Variants in DSCAML1 observed in about 807,000 individuals in gnomAD.
DSCAML1 encodes the protein DS cell adhesion molecule like 1, also known as cell adhesion molecule DSCAML1.
Under a neutral mutation model 200.5 loss-of-function variants are expected in DSCAML1, and 38 were observed. That is an observed-to-expected ratio of 0.19 (90% CI 0.15 to 0.25). DSCAML1 has a LOEUF of 0.25. Among genes scored for constraint, DSCAML1 ranks in the 10% least tolerant of loss-of-function variants. The pLI is 1.00. For synonymous variants in DSCAML1, 1,215 were observed against 1,165.0 expected, an observed-to-expected ratio of 1.04 and a Z score of -0.87; for missense variants, 2,223 against 2,858.8, an observed-to-expected ratio of 0.78 and a Z score of 5.07.
chr11:117,444,146 G>T (rs2048128604), intron 20 of DSCAML1, 107 bp from the exon 21 acceptor site: 5 of 1,306,442 alleles, frequency 3.8e-6, no homozygotes, highest in East Asian at 2.5e-5. Context: ...GGGGTCGGAT[G>T]CGAGGCAGGA....
rs576572424 is a variant in DSCAML1, at chr11:117,745,296, G to A, written c.511+31495C>T. Among the ~76,000 whole-genome samples, 5 of 152,240 alleles carry A rather than the reference G, an allele frequency of 3.3e-5. No individual in the cohort carries two copies. In the East Asian group the frequency reaches 5.8e-4, roughly 18 times the overall value. ...AAGGTCAGTGTACTTTCCTGTATGT[G>A]TGTTAAACTTCATTAAAAAGTCAAT... On this transcript the variant is annotated intron_variant, in intron 3 of 32. Coordinates refer to ENST00000651296, the MANE Select transcript of DSCAML1 (RefSeq NM_020693.4).
intron 3 of DSCAML1, among the ~76,000 whole-genome samples, chr11:117,695,712 A>T (rs548091229): frequency 1.3e-5 from 2 of 152,304 alleles, no homozygotes; most frequent in Non-Finnish European, 2.9e-5. Context: ...GCATTGAGGG[A>T]GTCAGTGGGG....
intron 3 of DSCAML1, among the ~76,000 whole-genome samples, chr11:117,548,998 G>T (rs2050426543): frequency 6.6e-6 from 1 of 152,186 alleles, no homozygotes; most frequent in African/African-American, 2.4e-5. Flanking sequence ...AGGGGATGTG[G>T]CTAAAAGGGA....
chr11:117,754,213 T>A (rs1322053234), intron 3 of DSCAML1, among the ~76,000 whole-genome samples: 1 of 152,146 alleles, frequency 6.6e-6, no homozygotes. Flanking sequence ...GAGCTGTGCG[T>A]GCATCCAGCA....
chr11:117,441,844 G>A (rs2048056345), intron 21 of DSCAML1, among the ~76,000 whole-genome samples: 1 of 152,162 alleles, frequency 6.6e-6, no homozygotes, highest in Admixed American at 6.5e-5. Context: ...CATGAAGACG[G>A]CCTCCATGCG....
chr11:117,704,403 C>T (rs758668647), intron 3 of DSCAML1, among the ~76,000 whole-genome samples: 7 of 152,154 alleles, frequency 4.6e-5, no homozygotes, highest in Non-Finnish European at 8.8e-5. Flanking sequence ...CTGCACCCCA[C>T]ATTTACCCCT....
chr11:117,796,959 G>A (rs2055590772), intron 1 of DSCAML1, 75 bp downstream of exon 1: 7 of 1,145,070 alleles, frequency 6.1e-6, no homozygotes, highest in Middle Eastern at 2.4e-4. Flanking sequence ...AGCCCGCCGG[G>A]CACCCCGCCT....
chr11:117,751,413 G>A (rs1208475439), intron 3 of DSCAML1, among the ~76,000 whole-genome samples: 1 of 136,862 alleles, frequency 7.3e-6, no homozygotes, highest in African/African-American at 2.7e-5. Flanking sequence ...TTTTTTCTCT[G>A]TTGCCATGGT....
At chr11:117,474,957 G>A (rs185460310) in intron 14 of DSCAML1, among the ~76,000 whole-genome samples, 26 of 152,022 alleles carry the variant, frequency 1.7e-4, no homozygotes, top group Admixed American at 4.6e-4. Flanking sequence ...GGGTTTCACC[G>A]TGTTAGCCAG....
intron 3 of DSCAML1, among the ~76,000 whole-genome samples, chr11:117,547,503 A>G (rs2050396847): frequency 1.3e-5 from 2 of 152,118 alleles, no homozygotes; most frequent in African/African-American, 2.4e-5. Context: ...GCCATTAGCC[A>G]CTGAGCAGTT....
chr11:117,442,111 G>A (rs1441411720), intron 21 of DSCAML1, among the ~76,000 whole-genome samples: 1 of 150,014 alleles, frequency 6.7e-6, no homozygotes, highest in Non-Finnish European at 1.5e-5. Flanking sequence ...TTGTGTATGT[G>A]CATATGTGAG....
intron 3 of DSCAML1, among the ~76,000 whole-genome samples, chr11:117,666,444 G>T (rs912877171): frequency 6.6e-6 from 1 of 152,152 alleles, no homozygotes; most frequent in Non-Finnish European, 1.5e-5. Flanking sequence ...TCAGGCCTTT[G>T]TTCTTGTCTT....
At chr11:117,630,453 G>A (rs1262642394) in intron 3 of DSCAML1, among the ~76,000 whole-genome samples, 1 of 151,994 alleles carries the variant, frequency 6.6e-6, no homozygotes, top group Non-Finnish European at 1.5e-5. Flanking sequence ...ATGGGAGAGA[G>A]GCAGCAGAGG....
chr11:117,788,306 T>C (rs1247062919), intron 1 of DSCAML1, among the ~76,000 whole-genome samples: 1 of 152,026 alleles, frequency 6.6e-6, no homozygotes. Flanking sequence ...TTTGTTGTTG[T>C]TGTTTTGTTT....
At chr11:117,515,345 C>A (rs1424370983) in intron 8 of DSCAML1, among the ~76,000 whole-genome samples, 2 of 152,150 alleles carry the variant, frequency 1.3e-5, no homozygotes, top group East Asian at 3.9e-4. Context: ...CCAGCCTGGC[C>A]CCAGAGAAAC....
intron 3 of DSCAML1, among the ~76,000 whole-genome samples, chr11:117,587,910 C>T (rs1159441733): frequency 4.6e-5 from 7 of 152,106 alleles, no homozygotes; most frequent in South Asian, 2.1e-4. Flanking sequence ...CCTCTCTGCT[C>T]GGCACTGGAG....
At position 117,521,177 on chromosome 11, in the gene DSCAML1, G is replaced by T; in HGVS notation, c.1166C>A (p.Thr389Asn). ...SHSGAYQCFA[T>N]RKAQTAQDFA... ...GTCCTGGGCGGTCTGGGCCTTGCGG[G>T]TAGCGAAGCACTGGTAGGCCCCGGA... is the stretch of plus-strand genomic sequence containing the variant. The change falls in exon 6 of 33, where the codon ACC becomes AAC. Residue 389 changes from threonine (T) to asparagine (N), a missense_variant. By Grantham distance (65) the Thr-to-Asn change is moderately conservative. Transcript: ENST00000651296. The T allele has an allele frequency of 6.2e-7, 1 of 1,614,172 alleles. No homozygotes were observed. Among genetic ancestry groups the T allele is most frequent in the Non-Finnish European group, 8.5e-7 (1 of 1,180,042 alleles).
intron 20 of DSCAML1, among the ~76,000 whole-genome samples, chr11:117,449,776 A>G (rs2048249705): frequency 6.6e-6 from 1 of 152,176 alleles, no homozygotes; most frequent in Admixed American, 6.5e-5. Flanking sequence ...TAGAACAGGC[A>G]TTCTCTATAG....
At chr11:117,689,669 G>A (rs553042899) in intron 3 of DSCAML1, among the ~76,000 whole-genome samples, 5 of 152,286 alleles carry the variant, frequency 3.3e-5, no homozygotes, top group African/African-American at 1.2e-4. Context: ...GGGCTACTCA[G>A]GAGCCTCCCA....
Sources: allele counts gnomAD v4.1 joint callset (sites outside exome capture counted in the v4.1 genomes callset), GRCh38; gene constraint gnomAD v4.1.1; transcripts MANE v1.5; gene names NCBI Gene and HGNC (gene_info 2026-07-23, HGNC 2026-07-21).